The following DNAH9 variants were observed in gnomAD, a reference collection of about 807,000 sequenced individuals.
DNAH9 encodes the protein dynein axonemal heavy chain 9.
In DNAH9, 345 loss-of-function variants were observed where a neutral mutation model predicts 471.6. The ratio of observed to expected loss-of-function variants is 0.73; its 90% CI spans 0.67 to 0.80. DNAH9 has a LOEUF of 0.80. Ranked by LOEUF, DNAH9 falls within the 30% of genes least tolerant of loss-of-function variation. The pLI is 0.00. For missense variants in DNAH9, 5,407 were observed against 5,609.2 expected (o/e 0.96, Z 1.15); for synonymous variants, 2,093 against 2,123.6 (o/e 0.99, Z 0.40).
intron 38 of DNAH9, among the ~76,000 whole-genome samples, chr17:11,772,819 A>G (rs2150882797): frequency 6.6e-6 from 1 of 152,328 alleles, no homozygotes; most frequent in East Asian, 1.9e-4. Flanking sequence ...GGAATTGGGG[A>G]GTCAGCCGAA....
chr17:11,794,012 G>T, intron 42 of DNAH9, among the ~76,000 whole-genome samples: 1 of 147,806 alleles, frequency 6.8e-6, no homozygotes, highest in East Asian at 2.0e-4. Context: ...TTTTGGGGCT[G>T]CTAATAACTG....
chr17:11,818,025 T>G (rs1970162582), intron 45 of DNAH9, among the ~76,000 whole-genome samples: 1 of 152,204 alleles, frequency 6.6e-6, no homozygotes, highest in Non-Finnish European at 1.5e-5. Flanking sequence ...ATACAGTAGT[T>G]CAAGAAAGTG....
rs1268648547 is a variant in DNAH9 at position 11,861,868 on chromosome 17, G to A, written c.9934-7266G>A. 3.3e-5 allele frequency among the ~76,000 whole-genome samples: 5 copies of A among 150,778 alleles called. No individual in the cohort carries two copies. In the East Asian group the frequency reaches 7.8e-4, roughly 23 times the overall value. On this transcript the variant is annotated intron_variant, in intron 50 of 68. Transcript: ENST00000262442. ...ATGTCCTTTGCCCACTTTTTGATGG[G>A]GTTGTTTTTTTCTTGTAAATTTGTT...
At chr17:11,902,997 A>G in intron 60 of DNAH9, 85 bp downstream of exon 60, 1 of 1,445,014 alleles carries the variant, frequency 6.9e-7, no homozygotes, top group Middle Eastern at 2.6e-4. Flanking sequence ...GCTGAGCTCC[A>G]AAGCCATGTG....
At position 11,932,288 on chromosome 17, in the gene DNAH9, C is replaced by T; in HGVS notation, c.12297+83C>T. 1 of 1,386,390 alleles carries T rather than the reference C, an allele frequency of 7.2e-7. No homozygotes were observed. Among genetic ancestry groups the T allele is most frequent in the East Asian group, 2.4e-5 (1 of 41,920 alleles). The allele number at this position is 1,386,390 out of a possible 1,614,324, so 85.9% of individuals were successfully genotyped here. A position where few individuals can be genotyped will look rare whatever the true frequency, so the allele number is the denominator to read the frequency against. ...ATTTTGAGGGGTGAATCAGAGGGGT[C>T]TAGGATGGGGCCTGAGAATGTGCAT... On this transcript the variant is annotated intron_variant, in intron 64 of 68. Transcript: ENST00000262442. This position sits in a 1 kb window ranked among gnomAD's most constrained non-coding sequence, Gnocchi z 4.3.
At chr17:11,766,233 A>G (rs868345596) in intron 36 of DNAH9, among the ~76,000 whole-genome samples, 4 of 152,192 alleles carry the variant, frequency 2.6e-5, no homozygotes, top group Non-Finnish European at 4.4e-5. Context: ...TGGTGCTTAC[A>G]TTGAAAAAAA....
intron 59 of DNAH9, among the ~76,000 whole-genome samples, chr17:11,897,125 C>T (rs1396911090): frequency 2.6e-5 from 4 of 152,202 alleles, no homozygotes; most frequent in Non-Finnish European, 4.4e-5. Context: ...AAGATATTTT[C>T]TTTAAGCCAA....
chr17:11,809,554 G>A (rs925339550), intron 44 of DNAH9, among the ~76,000 whole-genome samples: 6 of 151,974 alleles, frequency 3.9e-5, no homozygotes, highest in African/African-American at 1.2e-4. Flanking sequence ...GTGACAGAGC[G>A]AGAATCCATC....
Position 11,745,104 on chromosome 17 carries a change from C to T in DNAH9, c.6399+20C>T. The stretch of plus-strand genomic sequence containing the variant: ...CTCAAGGTACATGTGGTTTTTCCTC[C>T]CAGGATTTCTCTATCTCTTACTTAT... On this transcript the variant is annotated intron_variant, in intron 31 of 68. Transcript: ENST00000262442. 6.3e-7 allele frequency: 1 copy of T among 1,591,382 alleles called. No homozygotes were observed. Among genetic ancestry groups the T allele is most frequent in the South Asian group, 1.1e-5 (1 of 88,296 alleles).
rs1203035623 is a variant in DNAH9, at chr17:11,905,812, G to A, written c.11749+3G>A. 3.1e-6 allele frequency: 5 copies of A among 1,599,506 alleles called. No individual in the cohort carries two copies. Among genetic ancestry groups the A allele is most frequent in the Non-Finnish European group, 8.5e-7 (1 of 1,171,052 alleles). On this transcript the variant is annotated splice_donor_region_variant and intron_variant, in intron 61 of 68. Transcript: ENST00000262442. ...ACTGAAGGATGTAGAAAGTCAAGGT[G>A]AGAAAGGCGTCCTCTTGGAGCCAGG...
Position 11,682,906 on chromosome 17 carries a change from T to A in DNAH9, c.3743+2017T>A, listed in dbSNP as rs572711548. Among the ~76,000 whole-genome samples, 13 of 152,330 alleles carry A rather than the reference T, an allele frequency of 8.5e-5. No homozygotes were observed. In the South Asian group the frequency reaches 2.7e-3, roughly 32 times the overall value. The stretch of plus-strand genomic sequence containing the variant: ...AATAATTGCCTTAGGAGCCACGCCC[T>A]TGTTCCAAAGAATCATCTGTTGCTC... On this transcript the variant is annotated intron_variant, in intron 19 of 68. Transcript: ENST00000262442.
At chr17:11,736,972 C>T (rs2075358280) in intron 28 of DNAH9, among the ~76,000 whole-genome samples, 1 of 152,130 alleles carries the variant, frequency 6.6e-6, no homozygotes, top group African/African-American at 2.4e-5. Context: ...AGACTGGGGA[C>T]AAAGGAGAGA....
chr17:11,730,769 T>TGAC (rs2075245972), intron 28 of DNAH9, among the ~76,000 whole-genome samples: 1 of 151,340 alleles, frequency 6.6e-6, no homozygotes. Flanking sequence ...GTGATGATGA[T>TGAC]GATGATGATG....
At chr17:11,690,582 T>C in intron 20 of DNAH9, 146 bp downstream of exon 20, 1 of 715,718 alleles carries the variant, frequency 1.4e-6, no homozygotes, top group South Asian at 2.0e-5. Flanking sequence ...GATGCTCACC[T>C]TACCTGCCAC....
chr17:11,755,644 CT>C (rs1450553423), intron 33 of DNAH9, among the ~76,000 whole-genome samples: 3 of 94,134 alleles, frequency 3.2e-5, no homozygotes, highest in African/African-American at 1.2e-4. Flanking sequence ...CCAACATCAA[CT>C]TAAACTGTTT....
At chr17:11,761,521 C>T in intron 35 of DNAH9, among the ~76,000 whole-genome samples, 1 of 152,234 alleles carries the variant, frequency 6.6e-6, no homozygotes, top group Non-Finnish European at 1.5e-5. Flanking sequence ...CCCGCTCCCA[C>T]ACAAACCCCA....
intron 43 of DNAH9, among the ~76,000 whole-genome samples, chr17:11,800,991 T>G (rs1969435734): frequency 6.6e-6 from 1 of 152,178 alleles, no homozygotes; most frequent in African/African-American, 2.4e-5. Context: ...CAGGAAGGCC[T>G]CCCTGAGAGG....
chr17:11,839,941 G>T (rs1452437115), intron 49 of DNAH9, among the ~76,000 whole-genome samples: 1 of 152,158 alleles, frequency 6.6e-6, no homozygotes. Flanking sequence ...GAAGAAATGG[G>T]AATGCTTGTG....
rs374268792 is a variant in DNAH9, at chr17:11,694,431, G to A, written c.4856G>A (p.Gly1619Asp). 1 of 1,613,042 alleles carries A rather than the reference G, an allele frequency of 6.2e-7. No individual in the cohort carries two copies. Among genetic ancestry groups the A allele is most frequent in the South Asian group, 1.1e-5 (1 of 90,980 alleles). ...SSDLLDILSN[G>D]TAPQQVQRHL... ...GATCTGTTAGACATCCTTTCCAACGGCACAGCTCCACAACAGGTAAGCTGG... is the reference window on the plus strand; with the variant it reads ...GATCTGTTAGACATCCTTTCCAACGACACAGCTCCACAACAGGTAAGCTGG... The change falls in exon 22 of 69, where the codon GGC (glycine) becomes GAC (aspartate). Residue 1619 changes from glycine (G) to aspartate (D), a missense_variant. This residue lies in a region of DNAH9 where 4,636 missense variants were observed against 4,900.3 expected (regional missense o/e 0.95). Transcript: ENST00000262442.
Sources: allele counts gnomAD v4.1 joint callset (sites outside exome capture counted in the v4.1 genomes callset), GRCh38; gene constraint gnomAD v4.1.1; regional missense constraint gnomAD v4.1.1; non-coding constraint Gnocchi (gnomAD v3.1); transcripts MANE v1.5; gene names NCBI Gene and HGNC (gene_info 2026-07-23, HGNC 2026-07-21).